ANLN: variants seen among roughly 807,000 people sequenced by gnomAD.
ANLN encodes the protein anillin, actin binding protein, also known as anillin.
In ANLN, 59 loss-of-function variants were observed where a neutral mutation model predicts 135.1. The ratio of observed to expected loss-of-function variants is 0.44; its 90% confidence interval spans 0.35 to 0.54. The LOEUF (loss-of-function observed/expected upper bound fraction) is 0.54, where lower values mean the gene tolerates loss of function less well. Among genes scored for constraint, ANLN ranks in the 20% least tolerant of loss-of-function variants. The pLI is 0.00. For missense variants in ANLN, 1,182 were observed against 1,340.0 expected, an observed-to-expected ratio of 0.88 and a Z score of 1.84; for synonymous variants, 406 against 456.4, an observed-to-expected ratio of 0.89 and a Z score of 1.41.
At position 36,453,467 on chromosome 7, in the gene ANLN, G is replaced by T. The variant is rs1351432961; in HGVS notation, c.*867G>T. On this transcript the variant is annotated 3_prime_UTR_variant, in exon 24 of 24. Coordinates refer to ENST00000265748, the MANE Select transcript of ANLN (RefSeq NM_018685.5). The stretch of plus-strand genomic sequence containing the variant: ...AAGTGTTTGGGTTTTGTTGTTGTTT[G>T]TTTGTTTGTTTGTTTTTGGTTCATG... 1 of 152,076 alleles carries T rather than the reference G, an allele frequency of 6.6e-6. No homozygotes were observed. The highest frequency in any genetic ancestry group is 1.5e-5 in the Non-Finnish European group (1 of 68,008). 9.4% of individuals were successfully genotyped at this position (152,076 alleles called of 1,614,324 possible). A position where few individuals can be genotyped will look rare whatever the true frequency, so the allele number is the denominator to read the frequency against.
At chr7:36,445,945 A>T (rs1286760958) in intron 22 of ANLN, among the ~76,000 whole-genome samples, 3 of 152,178 alleles carry the variant, frequency 2.0e-5, no homozygotes, top group Non-Finnish European at 4.4e-5. Flanking sequence ...ATTTAAAAAA[A>T]TTTTGTATCT....
At chr7:36,435,278 A>C (rs1788481156) in intron 20 of ANLN, among the ~76,000 whole-genome samples, 1 of 151,980 alleles carries the variant, frequency 6.6e-6, no homozygotes, top group Non-Finnish European at 1.5e-5. Flanking sequence ...ACAGGCAACC[A>C]TTCTTCTCAT....
intron 7 of ANLN, among the ~76,000 whole-genome samples, chr7:36,413,799 T>A (rs752815634): frequency 2.0e-5 from 3 of 152,192 alleles, no homozygotes; most frequent in East Asian, 1.9e-4. Context: ...GAGACCAACC[T>A]GGCCAACATG....
At chr7:36,401,604 G>A (rs7806987) in intron 3 of ANLN, among the ~76,000 whole-genome samples, 7,830 of 78,600 alleles carry the variant, frequency 0.1, 991 homozygotes, top group African/African-American at 0.13. Flanking sequence ...CTCCCAAAGT[G>A]CTGGGATTAT....
chr7:36,434,399 A>G (rs1788441943), intron 20 of ANLN, among the ~76,000 whole-genome samples: 1 of 152,178 alleles, frequency 6.6e-6, no homozygotes, highest in Non-Finnish European at 1.5e-5. Context: ...AGGGAGAGCT[A>G]GCTCTGCCTC....
chr7:36,434,495 G>A (rs964960852), intron 20 of ANLN, among the ~76,000 whole-genome samples: 2 of 152,160 alleles, frequency 1.3e-5, no homozygotes, highest in Non-Finnish European at 2.9e-5. Context: ...AAAATTTGTT[G>A]CTTATGGCAA....
At chr7:36,446,566 G>A (rs1404899328) in intron 22 of ANLN, among the ~76,000 whole-genome samples, 1 of 152,030 alleles carries the variant, frequency 6.6e-6, no homozygotes, top group African/African-American at 2.4e-5. Context: ...AAGCAGGAGC[G>A]AGCGAGCGAG....
rs1453895665 is a variant in ANLN at position 36,423,728 on chromosome 7, A to G, written c.2477-89A>G. On this transcript the variant is annotated intron_variant, in intron 14 of 23. Coordinates refer to ENST00000265748, the MANE Select transcript of ANLN (RefSeq NM_018685.5). ...TAAATTGTATATAAATCAGTTCAATATTCCTTTATTTCTTTGGTATTCCAG... is the reference window on the plus strand; with the variant it reads ...TAAATTGTATATAAATCAGTTCAATGTTCCTTTATTTCTTTGGTATTCCAG... 3.2e-6 allele frequency: 4 copies of G among 1,242,070 alleles called. No homozygotes were observed. The African/African-American group carries it at 4.6e-5, about 14-fold the overall frequency. 76.9% of individuals were successfully genotyped at this position (1,242,070 alleles called of 1,614,324 possible). A position where few individuals can be genotyped will look rare whatever the true frequency, so the allele number is the denominator to read the frequency against.
intron 9 of ANLN, among the ~76,000 whole-genome samples, chr7:36,418,611 A>T (rs1347183428): frequency 6.6e-6 from 1 of 152,226 alleles, no homozygotes; most frequent in East Asian, 1.9e-4. Flanking sequence ...CGATAGAAAA[A>T]GTCATTTGAG....
chr7:36,413,099 A>G (rs1174347292), intron 7 of ANLN, among the ~76,000 whole-genome samples: 5 of 145,186 alleles, frequency 3.4e-5, no homozygotes, highest in Non-Finnish European at 4.5e-5. Flanking sequence ...GGCTCAGACT[A>G]GGGGCTCAAC....
intron 19 of ANLN, 91 bp from the exon 20 acceptor site, chr7:36,426,825 A>G (rs1583633930): frequency 1.6e-6 from 1 of 637,102 alleles, no homozygotes; most frequent in East Asian, 3.1e-5. Context: ...GTGGCAGCTT[A>G]ATTTTCTTCT....
chr7:36,452,403 C>T, intron 23 of ANLN, 74 bp from the exon 24 acceptor site: 3 of 1,566,354 alleles, frequency 1.9e-6, no homozygotes, highest in African/African-American at 1.4e-5. Context: ...TCATTTTTTT[C>T]CCTAGCAAGA....
chr7:36,400,456 T>C (rs943714438), intron 3 of ANLN, among the ~76,000 whole-genome samples: 10 of 151,992 alleles, frequency 6.6e-5, no homozygotes, highest in African/African-American at 2.4e-4. Context: ...GCCTCTCAGG[T>C]TCAAGCGATT....
chr7:36,440,755 G>C (rs1331720932), intron 21 of ANLN, among the ~76,000 whole-genome samples: 5 of 152,128 alleles, frequency 3.3e-5, no homozygotes, highest in East Asian at 3.9e-4. Flanking sequence ...GGATTTATTT[G>C]ATACAGAATT....
At position 36,416,316 on chromosome 7, in the gene ANLN, G is replaced by T. The variant is rs554151895; in HGVS notation, c.1522+432G>T. ...TTACAGGGGTCAGCCACTGCGCCCA[G>T]CCCAGGGTTTTCTACATGTAAGATC... On this transcript the variant is annotated intron_variant, in intron 8 of 23. Coordinates refer to ENST00000265748, the MANE Select transcript of ANLN (RefSeq NM_018685.5). 1.3e-3 allele frequency among the ~76,000 whole-genome samples: 199 copies of T among 152,320 alleles called. 1 individual carries two copies. The highest frequency in any genetic ancestry group is 4.7e-3 in the African/African-American group (196 of 41,570).
intron 22 of ANLN, 144 bp downstream of exon 22, chr7:36,444,006 T>C (rs1788886932): frequency 1.7e-6 from 1 of 577,462 alleles, no homozygotes; most frequent in Admixed American, 3.7e-5. Context: ...AATGTTCTTG[T>C]TGGCCAGGCG....
At chr7:36,392,969 G>C (rs1786542518) in intron 1 of ANLN, among the ~76,000 whole-genome samples, 1 of 151,856 alleles carries the variant, frequency 6.6e-6, no homozygotes, top group Non-Finnish European at 1.5e-5. Context: ...GAGAGATATA[G>C]CAATTGAAAA....
intron 21 of ANLN, among the ~76,000 whole-genome samples, chr7:36,441,207 G>C (rs2116785212): frequency 6.6e-6 from 1 of 152,260 alleles, no homozygotes; most frequent in South Asian, 2.1e-4. Flanking sequence ...GCTCTGTTAA[G>C]ATAGCTGGTC....
chr7:36,431,506 A>C (rs1250066237), intron 20 of ANLN, among the ~76,000 whole-genome samples: 1 of 149,904 alleles, frequency 6.7e-6, no homozygotes, highest in African/African-American at 2.5e-5. Flanking sequence ...GTTACTTTAG[A>C]TATCTGTCTA....
Sources: allele counts gnomAD v4.1 joint callset (sites outside exome capture counted in the v4.1 genomes callset), GRCh38; gene constraint gnomAD v4.1.1; transcripts MANE v1.5; gene names NCBI Gene and HGNC (gene_info 2026-07-23, HGNC 2026-07-21).